Variants in ST6GALNAC3 observed in about 807,000 individuals in gnomAD.
ST6GALNAC3 encodes alpha-N-acetylgalactosaminide alpha-2,6-sialyltransferase 3.
Under a neutral mutation model 32.7 loss-of-function variants are expected in ST6GALNAC3, and 25 were observed. The ratio of observed to expected loss-of-function variants is 0.76; its 90% CI spans 0.56 to 1.07. The LOEUF (loss-of-function observed/expected upper bound fraction) is 1.07, where lower values mean the gene tolerates loss of function less well. Ranked by LOEUF, ST6GALNAC3 falls within the 50% of genes least tolerant of loss-of-function variation. ST6GALNAC3 has a pLI of 0.00. For missense variants in ST6GALNAC3, 355 were observed against 382.4 expected, an observed-to-expected ratio of 0.93 and a Z score of 0.60; for synonymous variants, 129 against 133.1, an observed-to-expected ratio of 0.97 and a Z score of 0.21.
chr1:76,314,000 G>C lies in ST6GALNAC3; in HGVS notation c.213+1G>C. 6.2e-7 allele frequency: 1 copy of C among 1,610,936 alleles called. No homozygotes were observed. Among genetic ancestry groups the C allele is most frequent in the South Asian group, 1.1e-5 (1 of 90,492 alleles). On this transcript the variant is annotated splice_donor_variant, in intron 2 of 4. Coordinates refer to ENST00000328299, the MANE Select transcript of ST6GALNAC3 (RefSeq NM_152996.4). LOFTEE classifies it high-confidence loss of function. ...ATACATAAATGTGAAGACACAAGAGGTAAGATCCCAGAGGGTTACCTAGCA... is the reference window on the plus strand; with the variant it reads ...ATACATAAATGTGAAGACACAAGAGCTAAGATCCCAGAGGGTTACCTAGCA...
intron 3 of ST6GALNAC3, among the ~76,000 whole-genome samples, chr1:76,442,052 A>G (rs891959044): frequency 1.6e-4 from 24 of 152,214 alleles, no homozygotes; most frequent in Non-Finnish European, 3.1e-4. Context: ...AAGTAGTGCA[A>G]CTGAGTGAGA....
At chr1:76,442,709 C>G (rs1656699506) in intron 3 of ST6GALNAC3, among the ~76,000 whole-genome samples, 1 of 152,204 alleles carries the variant, frequency 6.6e-6, no homozygotes, top group African/African-American at 2.4e-5. Flanking sequence ...CACTGAACAA[C>G]AAGGTACCTG....
intron 2 of ST6GALNAC3, among the ~76,000 whole-genome samples, chr1:76,341,148 A>G (rs1198070510): frequency 6.6e-6 from 1 of 151,740 alleles, no homozygotes; most frequent in African/African-American, 2.4e-5. Flanking sequence ...CCTGTTACCC[A>G]AGTAGTGAAT....
At chr1:76,577,083 TTA>T in intron 3 of ST6GALNAC3, 1 of 1,086,370 alleles carries the variant, frequency 9.2e-7, no homozygotes, top group Non-Finnish European at 1.1e-6. Flanking sequence ...GGTATGATGG[TTA>T]CAGTTTTTAA....
At position 76,531,472 on chromosome 1, in the gene ST6GALNAC3, G is replaced by C. The variant is rs147035606; in HGVS notation, c.624-95980G>C. 1.7e-3 allele frequency among the ~76,000 whole-genome samples: 254 copies of C among 152,276 alleles called. 1 individual carries two copies. The highest frequency in any genetic ancestry group is 5.9e-3 in the African/African-American group (244 of 41,558). ...CATAATAACATGTTTGCTAACATGG[G>C]ATTGGACTGCCTGGTTGTATGACAA... On this transcript the variant is annotated intron_variant, in intron 3 of 4. Coordinates refer to ENST00000328299, the MANE Select transcript of ST6GALNAC3 (RefSeq NM_152996.4).
At chr1:76,133,102 A>G (rs1451801260) in intron 1 of ST6GALNAC3, among the ~76,000 whole-genome samples, 1 of 152,170 alleles carries the variant, frequency 6.6e-6, no homozygotes, top group African/African-American at 2.4e-5. Context: ...CAACTTCCCC[A>G]AACTACATCT....
At chr1:76,598,476 T>C (rs1311446372) in intron 3 of ST6GALNAC3, among the ~76,000 whole-genome samples, 1 of 152,190 alleles carries the variant, frequency 6.6e-6, no homozygotes, top group Non-Finnish European at 1.5e-5. Flanking sequence ...ATAGAAATGT[T>C]TTGCAAAATG....
intron 3 of ST6GALNAC3, among the ~76,000 whole-genome samples, chr1:76,515,094 G>T (rs1337585008): frequency 1.3e-5 from 2 of 152,078 alleles, no homozygotes; most frequent in Non-Finnish European, 2.9e-5. Flanking sequence ...CATCAGTATT[G>T]TTCTTTAAAT....
chr1:76,088,652 T>C (rs1386422708), intron 1 of ST6GALNAC3, among the ~76,000 whole-genome samples: 4 of 152,088 alleles, frequency 2.6e-5, no homozygotes, highest in Non-Finnish European at 5.9e-5. Context: ...ACAGCCAGAG[T>C]GATCTTTTAA....
At chr1:76,459,671 G>A (rs560321024) in intron 3 of ST6GALNAC3, among the ~76,000 whole-genome samples, 2 of 152,218 alleles carry the variant, frequency 1.3e-5, no homozygotes, top group East Asian at 1.9e-4. Flanking sequence ...AGTGAAAATT[G>A]CCAGGGGAGT....
intron 3 of ST6GALNAC3, among the ~76,000 whole-genome samples, chr1:76,481,760 T>C (rs1659736950): frequency 1.3e-5 from 2 of 152,168 alleles, no homozygotes; most frequent in Non-Finnish European, 2.9e-5. Context: ...ATGTGACAGA[T>C]GAGATCTTAT....
At chr1:76,396,890 A>G (rs1653003090) in intron 2 of ST6GALNAC3, among the ~76,000 whole-genome samples, 2 of 152,160 alleles carry the variant, frequency 1.3e-5, no homozygotes, top group South Asian at 4.1e-4. Context: ...TAGTTTGTCT[A>G]GTTTCTGCAG....
intron 2 of ST6GALNAC3, among the ~76,000 whole-genome samples, chr1:76,367,957 G>A (rs915346790): frequency 6.6e-6 from 1 of 152,160 alleles, no homozygotes; most frequent in African/African-American, 2.4e-5. Flanking sequence ...GACTTGCAAA[G>A]TGCACAGCAA....
intron 1 of ST6GALNAC3, among the ~76,000 whole-genome samples, chr1:76,182,002 C>T (rs1041205000): frequency 6.6e-6 from 1 of 152,156 alleles, no homozygotes. Context: ...CACTGAGTCT[C>T]TCTTATGATG....
At chr1:76,496,647 A>G (rs916135841) in intron 3 of ST6GALNAC3, among the ~76,000 whole-genome samples, 5 of 152,086 alleles carry the variant, frequency 3.3e-5, no homozygotes, top group Non-Finnish European at 7.4e-5. Context: ...CACAACCCCA[A>G]GAGAGGACAC....
At chr1:76,264,226 C>A (rs11162104) in intron 1 of ST6GALNAC3, among the ~76,000 whole-genome samples, 35,273 of 151,958 alleles carry the variant, frequency 0.23, 5,353 homozygotes, top group East Asian at 0.7. Context: ...TTGGGGTTAG[C>A]TCTAGGCAGC....
At chr1:76,628,000 A>C (rs1354736147) in intron 4 of ST6GALNAC3, among the ~76,000 whole-genome samples, 1 of 151,934 alleles carries the variant, frequency 6.6e-6, no homozygotes, top group Non-Finnish European at 1.5e-5. Flanking sequence ...ATTCCTGGAA[A>C]TTATACTTCA....
At chr1:76,151,109 G>T (rs953622725) in intron 1 of ST6GALNAC3, among the ~76,000 whole-genome samples, 1 of 152,148 alleles carries the variant, frequency 6.6e-6, no homozygotes, top group African/African-American at 2.4e-5. Context: ...ACAAGAAAGT[G>T]AAATAGTGGC....
At chr1:76,161,548 C>A (rs1557663847) in intron 1 of ST6GALNAC3, among the ~76,000 whole-genome samples, 1 of 152,204 alleles carries the variant, frequency 6.6e-6, no homozygotes, top group African/African-American at 2.4e-5. Flanking sequence ...GGAGATTTTT[C>A]TCTCTGCTAA....
Sources: gnomAD v4.1 joint callset for allele counts (sites outside exome capture counted in the v4.1 genomes callset) on GRCh38, gnomAD v4.1.1 for gene constraint, MANE v1.5 for transcripts, NCBI Gene and HGNC (gene_info 2026-07-23, HGNC 2026-07-21) for gene names.